Variants in TUFT1 observed in about 807,000 individuals in gnomAD.
TUFT1 encodes tuftelin 1, also known as tuftelin.
A neutral mutation model predicts 57.8 loss-of-function variants in TUFT1; 43 were observed. The observed-to-expected ratio is 0.74, with a 90% CI of 0.58 to 0.96. TUFT1 has a LOEUF of 0.96. Among genes scored for constraint, TUFT1 ranks in the 40% least tolerant of loss-of-function variants. The pLI is 0.00. For synonymous variants in TUFT1, 166 were observed against 176.7 expected (o/e 0.94, Z 0.48); for missense variants, 459 against 489.0 (o/e 0.94, Z 0.58).
intron 1 of TUFT1, among the ~76,000 whole-genome samples, chr1:151,556,687 A>G (rs925649869): frequency 1.3e-5 from 2 of 152,134 alleles, no homozygotes; most frequent in Admixed American, 6.5e-5. Flanking sequence ...CTGAGATTAC[A>G]GGCCGGACAC....
chr1:151,551,559 C>T (rs927921324), intron 1 of TUFT1, among the ~76,000 whole-genome samples: 1 of 151,992 alleles, frequency 6.6e-6, no homozygotes, highest in African/African-American at 2.4e-5. Context: ...GAAGGCTGAG[C>T]AGGAATTCTC....
Position 151,566,233 on chromosome 1 carries a change from G to A in TUFT1, c.480+5G>A, listed in dbSNP as rs1426704925. The A allele has an allele frequency of 6.2e-7, 1 of 1,609,242 alleles. No individual in the cohort carries two copies. Among genetic ancestry groups the A allele is most frequent in the Non-Finnish European group, 8.5e-7 (1 of 1,178,040 alleles). ...CTGTACAGCAGCCCACCTGAGGTAG[G>A]TAACAGAGGACACCATGGTGGCTCC... is the stretch of plus-strand genomic sequence containing the variant. On this transcript the variant is annotated splice_donor_5th_base_variant and intron_variant, in intron 6 of 12. Transcript: ENST00000368849.
intron 11 of TUFT1, 66 bp downstream of exon 11, chr1:151,579,798 CAG>C (rs1413025492): frequency 2.0e-5 from 30 of 1,494,500 alleles, no homozygotes; most frequent in Non-Finnish European, 2.2e-5. Flanking sequence ...ATAAGGGAGA[CAG>C]AGGTTATGGG....
rs1320997830 is a variant in TUFT1 at position 151,583,487 on chromosome 1, C to T, written c.*1780C>T. On this transcript the variant is annotated 3_prime_UTR_variant, in exon 13 of 13. Transcript: ENST00000368849. ...CATTTGTAAAATGAGGGGGTCAGAG[C>T]AGGTGATATCCATGTTTCTTCCCTT... 6.6e-6 allele frequency: 1 copy of T among 152,154 alleles called. No individual in the cohort carries two copies. The highest frequency in any genetic ancestry group is 1.5e-5 in the Non-Finnish European group (1 of 68,042). 9.4% of individuals were successfully genotyped at this position (152,154 alleles called of 1,614,324 possible).
intron 1 of TUFT1, among the ~76,000 whole-genome samples, chr1:151,553,837 C>T (rs1009470493): frequency 1.3e-5 from 2 of 151,940 alleles, no homozygotes; most frequent in African/African-American, 4.8e-5. Context: ...TTATCCATTT[C>T]ATGTTAGTCA....
chr1:151,573,522 A>T (rs1010595185), intron 7 of TUFT1, among the ~76,000 whole-genome samples: 3 of 152,228 alleles, frequency 2.0e-5, no homozygotes, highest in Admixed American at 2.0e-4. Context: ...AGGCGGGCGG[A>T]TCACCTGAGG....
intron 9 of TUFT1, 69 bp from the exon 10 acceptor site, chr1:151,578,652 G>T (rs1666554317): frequency 5.8e-6 from 8 of 1,369,364 alleles, no homozygotes; most frequent in Non-Finnish European, 8.0e-6. Context: ...CAAGCTCAAG[G>T]CTCTTCCTGT....
chr1:151,578,756 G>C lies in TUFT1; in HGVS notation c.854G>C (p.Arg285Pro), dbSNP rs751924952. 4.4e-6 allele frequency: 7 copies of C among 1,582,460 alleles called. No homozygotes were observed. Among genetic ancestry groups the C allele is most frequent in the South Asian group, 3.5e-5 (3 of 86,780 alleles). Residue 285 changes from arginine to proline, a missense_variant, in exon 10 of 13, where the codon CGG (arginine) becomes CCG (proline). Physicochemically the swap from Arg to Pro is moderately radical, Grantham distance 103. Transcript: ENST00000368849. ...CTGGAAAAGGAAGTGGCCGGGTTGC[G>C]GGAGAAGATCCACCACTTGGATGAC... is the stretch of plus-strand genomic sequence containing the variant. ...ATLEKEVAGL[R>P]EKIHHLDDML...
At chr1:151,547,601 C>T (rs1043122290) in intron 1 of TUFT1, among the ~76,000 whole-genome samples, 4 of 152,122 alleles carry the variant, frequency 2.6e-5, no homozygotes, top group African/African-American at 4.8e-5. Flanking sequence ...AGAAAAGAGA[C>T]GTGGTTTTCT....
rs370920800 is a variant in TUFT1 at position 151,574,282 on chromosome 1, C to T, written c.607C>T (p.Arg203Trp). 218 of 1,613,932 alleles carry T rather than the reference C, an allele frequency of 1.4e-4. 2 individuals carry two copies. The highest frequency in any genetic ancestry group is 1.0e-3 in the South Asian group (94 of 91,040). Reference sequence around the variant, plus strand: ...CTCCGTGTTTTAGGTCACACTCAGCCGGTACCAGAGGGAAGCAGAACAAAG... The same window carrying T: ...CTCCGTGTTTTAGGTCACACTCAGCTGGTACCAGAGGGAAGCAGAACAAAG... ...DCVAFEVTLS[R>W]YQREAEQSNV... The change falls in exon 8 of 13, where the codon CGG becomes TGG. Residue 203 changes from arginine (R) to tryptophan (W), a missense_variant. Arg to Trp is a moderately radical substitution (Grantham distance 101). Transcript: ENST00000368849.
Position 151,557,560 on chromosome 1 carries a change from G to C in TUFT1, c.61-4531G>C. On this transcript the variant is annotated intron_variant, in intron 1 of 12. Coordinates refer to ENST00000368849, the MANE Select transcript of TUFT1 (RefSeq NM_020127.3). ...GCACCGGGAGCTGGCAGACAAGGAT[G>C]TGCCCAATCTTCATGTCATGAAGGC... 6 of 1,143,430 alleles carry C rather than the reference G, an allele frequency of 5.2e-6. No homozygotes were observed. The Admixed American group carries it at 8.4e-5, about 16-fold the overall frequency. The allele number at this position is 1,143,430 out of a possible 1,614,324, so 70.8% of individuals were successfully genotyped here.
At chr1:151,565,518 A>G (rs1666040041) in intron 5 of TUFT1, among the ~76,000 whole-genome samples, 1 of 152,242 alleles carries the variant, frequency 6.6e-6, no homozygotes, top group Non-Finnish European at 1.5e-5. Context: ...CTTTGGCTGA[A>G]GGTAGGTCTT....
chr1:151,546,985 A>C (rs541893095), intron 1 of TUFT1, among the ~76,000 whole-genome samples: 1 of 152,324 alleles, frequency 6.6e-6, no homozygotes, highest in East Asian at 1.9e-4. Flanking sequence ...AATGTATTCT[A>C]AAATGTGGAA....
chr1:151,575,933 A>G (rs1391090860), intron 9 of TUFT1, among the ~76,000 whole-genome samples: 4 of 152,006 alleles, frequency 2.6e-5, no homozygotes, highest in Non-Finnish European at 5.9e-5. Flanking sequence ...CTCCTTTCTG[A>G]CTGGACTTTA....
At chr1:151,560,849 G>A (rs930554577) in intron 1 of TUFT1, among the ~76,000 whole-genome samples, 1 of 152,114 alleles carries the variant, frequency 6.6e-6, no homozygotes, top group African/African-American at 2.4e-5. Context: ...GATTTACTCT[G>A]CCTTGTTAGC....
intron 1 of TUFT1, among the ~76,000 whole-genome samples, chr1:151,543,374 G>A (rs1379118087): frequency 1.3e-5 from 2 of 151,124 alleles, no homozygotes; most frequent in South Asian, 2.1e-4. Flanking sequence ...ATATATGTAC[G>A]TGTTTGTTTA....
At chr1:151,561,949 G>A (rs1458484597) in intron 1 of TUFT1, 142 bp from the exon 2 acceptor site, 1 of 1,490,060 alleles carries the variant, frequency 6.7e-7, no homozygotes, top group Non-Finnish European at 9.1e-7. Context: ...TGCCTCCCTG[G>A]ACTTCAGTTT....
In TUFT1 at chr1:151,566,371, G is replaced by A; in HGVS notation, c.480+143G>A. Reference sequence around the variant, plus strand: ...TAGTTGACATAAAAATTCAAACACAGAGAAATACAAAGAGTAGAAATTCTC... The same window carrying A: ...TAGTTGACATAAAAATTCAAACACAAAGAAATACAAAGAGTAGAAATTCTC... On this transcript the variant is annotated intron_variant, in intron 6 of 12. Coordinates refer to ENST00000368849, the MANE Select transcript of TUFT1 (RefSeq NM_020127.3). 14 of 672,522 alleles carry A rather than the reference G, an allele frequency of 2.1e-5. No homozygotes were observed. The South Asian group carries it at 2.5e-4, about 12-fold the overall frequency. The allele number at this position is 672,522 out of a possible 1,614,324, so 41.7% of individuals were successfully genotyped here. A position where few individuals can be genotyped will look rare whatever the true frequency, so the allele number is the denominator to read the frequency against.
chr1:151,562,267 G>T, intron 2 of TUFT1, 102 bp downstream of exon 2: 1 of 1,021,366 alleles, frequency 9.8e-7, no homozygotes, highest in Admixed American at 2.0e-5. Context: ...CTGGTGATGC[G>T]AGCGTGGGAG....
Sources: allele counts gnomAD v4.1 joint callset (sites outside exome capture counted in the v4.1 genomes callset), GRCh38; gene constraint gnomAD v4.1.1; transcripts MANE v1.5; gene names NCBI Gene and HGNC (gene_info 2026-07-23, HGNC 2026-07-21).